SDK2: variants seen among roughly 807,000 people sequenced by gnomAD.
SDK2 encodes sidekick cell adhesion molecule 2, also known as protein sidekick-2.
A neutral mutation model predicts 253.9 loss-of-function variants in SDK2; 105 were observed. The ratio of observed to expected loss-of-function variants is 0.41; its 90% CI spans 0.35 to 0.49. SDK2 has a LOEUF of 0.49. SDK2 is among the 20% of genes least tolerant of loss of function. SDK2 has a pLI of 0.06. For synonymous variants in SDK2, 1,249 were observed against 1,234.9 expected (o/e 1.01, Z -0.24); for missense variants, 2,608 against 3,003.0 (o/e 0.87, Z 3.07).
At chr17:73,348,356 C>T (rs771391506) in intron 44 of SDK2, among the ~76,000 whole-genome samples, 7 of 152,180 alleles carry the variant, frequency 4.6e-5, no homozygotes, top group Non-Finnish European at 7.4e-5. Flanking sequence ...TAGAGAGGGC[C>T]GTCTTCTTCG....
rs753840920 is a variant in SDK2, at chr17:73,350,383, C to G, written c.5900-8G>C. On this transcript the variant is annotated splice_region_variant and splice_polypyrimidine_tract_variant and intron_variant, in intron 42 of 44. Transcript: ENST00000392650. Reference sequence around the variant, plus strand: ...CAGACTTGGCACTGTTCCCTGAAGTCGGCGGGAGATTGACACCCTTTAGAC... The same window carrying G: ...CAGACTTGGCACTGTTCCCTGAAGTGGGCGGGAGATTGACACCCTTTAGAC... 1 of 1,611,838 alleles carries G rather than the reference C, an allele frequency of 6.2e-7. No homozygotes were observed.
intron 2 of SDK2, among the ~76,000 whole-genome samples, chr17:73,502,084 T>TACAC (rs5821971): frequency 0.021 from 555 of 26,522 alleles, 7 homozygotes; most frequent in African/African-American, 0.046. Flanking sequence ...GTAGTGCACA[T>TACAC]ACACACACAC....
rs754125280 is a variant in SDK2 at position 73,422,252 on chromosome 17, C to T, written c.2045+35G>A. Reference sequence around the variant, plus strand: ...GCTGCAGCCCCTGCCTGTTGGAGTCCTGGCGACGCCCCTGTAGAGCGCCAG... The same window carrying T: ...GCTGCAGCCCCTGCCTGTTGGAGTCTTGGCGACGCCCCTGTAGAGCGCCAG... On this transcript the variant is annotated intron_variant, in intron 15 of 44. Transcript: ENST00000392650. 6 of 1,606,574 alleles carry T rather than the reference C, an allele frequency of 3.7e-6. No individual in the cohort carries two copies. In the Admixed American group the frequency reaches 5.1e-5, roughly 14 times the overall value.
chr17:73,352,745 C>A lies in SDK2; in HGVS notation c.5594-108G>T. 1.8e-6 allele frequency: 2 copies of A among 1,122,520 alleles called. No individual in the cohort carries two copies. Among genetic ancestry groups the A allele is most frequent in the Non-Finnish European group, 2.6e-6 (2 of 774,578 alleles). The allele number at this position is 1,122,520 out of a possible 1,614,324, so 69.5% of individuals were successfully genotyped here. On this transcript the variant is annotated intron_variant, in intron 40 of 44. Coordinates refer to ENST00000392650, the MANE Select transcript of SDK2 (RefSeq NM_001144952.2). This position sits in a 1 kb window ranked among gnomAD's most constrained non-coding sequence, Gnocchi z 4.1. Reference sequence around the variant, plus strand: ...CTGAGGGCTGGGCCTGTTGGATCCTCCCTGCTCCACACTGAATCGCAGGCC... The same window carrying A: ...CTGAGGGCTGGGCCTGTTGGATCCTACCTGCTCCACACTGAATCGCAGGCC...
chr17:73,597,203 G>C (rs1332576763), intron 1 of SDK2, among the ~76,000 whole-genome samples: 1 of 152,158 alleles, frequency 6.6e-6, no homozygotes, highest in South Asian at 2.1e-4. Context: ...CCGGGGCCTT[G>C]AAGGGTGGAG....
intron 44 of SDK2, among the ~76,000 whole-genome samples, 189 bp downstream of exon 44, chr17:73,348,409 TG>T (rs1390089253): frequency 3.3e-5 from 5 of 152,250 alleles, no homozygotes; most frequent in African/African-American, 1.2e-4. Flanking sequence ...CCATTGGCAC[TG>T]GCCGCAAACT....
In SDK2 at chr17:73,535,465, G is replaced by A. The variant is rs567956697; in HGVS notation, c.65-27868C>T. Among the ~76,000 whole-genome samples the A allele has an allele frequency of 8.5e-5, 13 of 152,304 alleles. No homozygotes were observed. The South Asian group carries it at 2.7e-3, about 32-fold the overall frequency. On this transcript the variant is annotated intron_variant, in intron 1 of 44. Transcript: ENST00000392650. ...GCGGGGTGGGGCATTCTGCAGTCCG[G>A]CTGCCTCCTGGGGAACATAGACTGT...
rs76534678 is a variant in SDK2 at position 73,578,789 on chromosome 17, C to T, written c.64+65236G>A. Among the ~76,000 whole-genome samples, 738 of 152,262 alleles carry T rather than the reference C, an allele frequency of 4.8e-3. 7 individuals are homozygous for T. Among genetic ancestry groups the T allele is most frequent in the African/African-American group, 0.017 (705 of 41,540 alleles). On this transcript the variant is annotated intron_variant, in intron 1 of 44. Coordinates refer to ENST00000392650, the MANE Select transcript of SDK2 (RefSeq NM_001144952.2). Reference sequence around the variant, plus strand: ...GACTCAGCTTATCCACCCAGCCATTCGCGCCAGCCCAACCTGAGGCACAGT... The same window carrying T: ...GACTCAGCTTATCCACCCAGCCATTTGCGCCAGCCCAACCTGAGGCACAGT...
intron 1 of SDK2, among the ~76,000 whole-genome samples, chr17:73,580,503 G>A (rs554338152): frequency 6.6e-5 from 10 of 152,348 alleles, no homozygotes; most frequent in African/African-American, 2.4e-4. Context: ...GGCTCACGCC[G>A]ACCCAGGGCC....
chr17:73,565,485 T>C (rs951658228), intron 1 of SDK2, among the ~76,000 whole-genome samples: 2 of 152,178 alleles, frequency 1.3e-5, no homozygotes, highest in Admixed American at 6.5e-5. Flanking sequence ...CCCTACACAA[T>C]AGAAAAGGCA....
At chr17:73,388,766 C>T (rs1219040321) in intron 29 of SDK2, among the ~76,000 whole-genome samples, 1 of 74,020 alleles carries the variant, frequency 1.4e-5, no homozygotes, top group East Asian at 3.3e-4. Context: ...CCTTCCTTCC[C>T]TCCCTCTCCT....
In SDK2 at chr17:73,618,879, T is replaced by C. The variant is rs2046092760; in HGVS notation, c.64+25146A>G. Among the ~76,000 whole-genome samples the C allele has an allele frequency of 6.6e-6, 1 of 152,002 alleles. No homozygotes were observed. The highest frequency in any genetic ancestry group is 1.5e-5 in the Non-Finnish European group (1 of 67,990). Reference sequence around the variant, plus strand: ...CTGGACAGAACACCAAAAAAGCAACTATTAGGGCTGGGTGTGGTGGCTCAT... The same window carrying C: ...CTGGACAGAACACCAAAAAAGCAACCATTAGGGCTGGGTGTGGTGGCTCAT... On this transcript the variant is annotated intron_variant, in intron 1 of 44. Coordinates refer to ENST00000392650, the MANE Select transcript of SDK2 (RefSeq NM_001144952.2). This position sits in a 1 kb window ranked among gnomAD's most constrained non-coding sequence, Gnocchi z 4.1.
In SDK2 at chr17:73,447,062, C is replaced by T. The variant is rs116706324; in HGVS notation, c.613+553G>A. ...GTTCTAGGGAGGGCTTTGCCCTTTTCGCCCAGGGAGCTGGAGGTGTCTGAG... is the reference window on the plus strand; with the variant it reads ...GTTCTAGGGAGGGCTTTGCCCTTTTTGCCCAGGGAGCTGGAGGTGTCTGAG... On this transcript the variant is annotated intron_variant, in intron 5 of 44. Coordinates refer to ENST00000392650, the MANE Select transcript of SDK2 (RefSeq NM_001144952.2). The surrounding 1 kb of genome is among the most constrained non-coding windows in gnomAD (Gnocchi z 4.0). Among the ~76,000 whole-genome samples the T allele has an allele frequency of 8.2e-4, 125 of 152,258 alleles. No individual in the cohort carries two copies. Among genetic ancestry groups the T allele is most frequent in the African/African-American group, 2.2e-3 (91 of 41,558 alleles).
chr17:73,566,595 G>A (rs1295330429), intron 1 of SDK2, among the ~76,000 whole-genome samples: 1 of 152,132 alleles, frequency 6.6e-6, no homozygotes, highest in Non-Finnish European at 1.5e-5. Flanking sequence ...TAGAAATATA[G>A]ATAGCAAAGC....
At chr17:73,348,504 G>A in intron 44 of SDK2, 95 bp downstream of exon 44, 1 of 1,429,048 alleles carries the variant, frequency 7.0e-7, no homozygotes, top group South Asian at 1.3e-5. Context: ...GCTGCCCCTT[G>A]AAGGAAAGGA....
At chr17:73,532,018 G>A (rs2064172834) in intron 1 of SDK2, among the ~76,000 whole-genome samples, 3 of 152,062 alleles carry the variant, frequency 2.0e-5, no homozygotes. Context: ...CTATGCATTC[G>A]TCTCTCTCTA....
Position 73,566,317 on chromosome 17 carries a change from A to ATGTG in SDK2, c.65-58721_65-58720insCACA, listed in dbSNP as rs763921480. ...TAAGCCAAATAAAATTCTTATATAT[A>ATGTG]TATGTGTGTGTGTGTGTGTGTGTGT... On this transcript the variant is annotated intron_variant, in intron 1 of 44. Transcript: ENST00000392650. 6.5e-3 allele frequency among the ~76,000 whole-genome samples: 935 copies of ATGTG among 143,972 alleles called. 13 individuals are homozygous for ATGTG. The highest frequency in any genetic ancestry group is 0.023 in the African/African-American group (872 of 37,384). The allele number at this position is 143,972 out of a possible 152,430, so 94.5% of individuals were successfully genotyped here. A position where few individuals can be genotyped will look rare whatever the true frequency, so the allele number is the denominator to read the frequency against.
At chr17:73,421,069 C>T (rs915411069) in intron 15 of SDK2, among the ~76,000 whole-genome samples, 1 of 152,240 alleles carries the variant, frequency 6.6e-6, no homozygotes, top group African/African-American at 2.4e-5. Context: ...TGCAGGGTAG[C>T]TTCCCCTACA....
chr17:73,537,023 C>T (rs562033346), intron 1 of SDK2, among the ~76,000 whole-genome samples: 15 of 152,286 alleles, frequency 9.8e-5, no homozygotes, highest in Non-Finnish European at 1.3e-4. Context: ...GGAGCATTAG[C>T]TCACCCTGAG....
Sources: gnomAD v4.1 joint callset for allele counts (sites outside exome capture counted in the v4.1 genomes callset) on GRCh38, gnomAD v4.1.1 for gene constraint, Gnocchi (gnomAD v3.1) non-coding constraint, MANE v1.5 for transcripts, NCBI Gene and HGNC (gene_info 2026-07-23, HGNC 2026-07-21) for gene names.